The following CHD7 variants were observed in gnomAD, a reference collection of about 807,000 sequenced individuals.
CHD7 encodes the protein chromodomain helicase DNA binding protein 7.
Under a neutral mutation model 307.3 loss-of-function variants are expected in CHD7, and 24 were observed. The ratio of observed to expected loss-of-function variants is 0.08; its 90% confidence interval spans 0.06 to 0.11. The LOEUF (loss-of-function observed/expected upper bound fraction) is 0.11. Ranked by LOEUF, CHD7 falls within the 10% of genes least tolerant of loss-of-function variation. The pLI is 1.00. For missense variants in CHD7, 3,106 were observed against 3,727.1 expected, an observed-to-expected ratio of 0.83 and a Z score of 4.34; for synonymous variants, 1,363 against 1,349.9, an observed-to-expected ratio of 1.01 and a Z score of -0.21.
chr8:60,754,605 T>G (rs1384319360), intron 2 of CHD7, among the ~76,000 whole-genome samples: 1 of 152,218 alleles, frequency 6.6e-6, no homozygotes, highest in Non-Finnish European at 1.5e-5. Context: ...CAAAAATTCA[T>G]AATGTTTTGT....
intron 1 of CHD7, among the ~76,000 whole-genome samples, chr8:60,705,260 G>A (rs758412939): frequency 1.4e-4 from 22 of 152,288 alleles, no homozygotes; most frequent in East Asian, 1.2e-3. Flanking sequence ...GTGAACTTGC[G>A]CGTTTGGCTT....
chr8:60,706,578 C>T (rs866067295), intron 1 of CHD7, among the ~76,000 whole-genome samples: 20 of 152,162 alleles, frequency 1.3e-4, no homozygotes, highest in Middle Eastern at 6.8e-3. Context: ...TTATTGAATA[C>T]TCAGAAGTAG....
chr8:60,828,627 A>C (rs367816570), intron 13 of CHD7, 36 bp from the exon 14 acceptor site: 3 of 1,569,336 alleles, frequency 1.9e-6, no homozygotes, highest in Admixed American at 1.9e-5. Flanking sequence ...TGTTTTTGTT[A>C]CAATTTGGTT....
rs1320501538 is a variant in CHD7, at chr8:60,800,394, C to T, written c.2245C>T (p.Arg749Trp). The T allele has an allele frequency of 3.1e-6, 5 of 1,612,948 alleles. No homozygotes were observed. Among genetic ancestry groups the T allele is most frequent in the East Asian group, 4.5e-5 (2 of 44,836 alleles). Residue 749 changes from arginine to tryptophan, a missense_variant, in exon 5 of 38, where the codon CGG becomes TGG. By Grantham distance (101) the Arg-to-Trp change is moderately radical. Coordinates refer to ENST00000423902, the MANE Select transcript of CHD7 (RefSeq NM_017780.4). ...EDEDPGVQKR[R>W]SSRQVKRKRY... ...TCTTGGGTTTTTGTTTTAGAAGAGA[C>T]GGTCCAGCAGACAGGTGAAGAGAAA...
Position 60,848,403 on chromosome 8 carries a change from G to T in CHD7, c.5211-112G>T, listed in dbSNP as rs938195665. 3 of 690,790 alleles carry T rather than the reference G, an allele frequency of 4.3e-6. No homozygotes were observed. In the African/African-American group the frequency reaches 5.4e-5, roughly 12 times the overall value. 42.8% of individuals were successfully genotyped at this position (690,790 alleles called of 1,614,324 possible). A position where few individuals can be genotyped will look rare whatever the true frequency, so the allele number is the denominator to read the frequency against. ...ACGCTTCAAGCCTACCATACAGCAT[G>T]GCTAATCAGCCTTGGCAGGATGATG... On this transcript the variant is annotated intron_variant, in intron 23 of 37. Transcript: ENST00000423902.
chr8:60,805,642 T>C (rs1812502903), intron 6 of CHD7, among the ~76,000 whole-genome samples: 1 of 152,172 alleles, frequency 6.6e-6, no homozygotes, highest in Non-Finnish European at 1.5e-5. Flanking sequence ...AAAAGTGTCT[T>C]TACTGTTCAA....
intron 1 of CHD7, among the ~76,000 whole-genome samples, chr8:60,712,003 A>G (rs192405725): frequency 2.0e-5 from 3 of 152,354 alleles, no homozygotes; most frequent in Admixed American, 6.5e-5. Context: ...AAGTTGGTGC[A>G]CCACATTTGA....
chr8:60,768,829 A>G, intron 2 of CHD7, among the ~76,000 whole-genome samples: 1 of 61,152 alleles, frequency 1.6e-5, no homozygotes, highest in Non-Finnish European at 3.5e-5. Flanking sequence ...ACGTTAAGCT[A>G]CCATGAAAAA....
At chr8:60,712,673 T>G (rs1411001584) in intron 1 of CHD7, among the ~76,000 whole-genome samples, 2 of 152,128 alleles carry the variant, frequency 1.3e-5, no homozygotes, top group Non-Finnish European at 2.9e-5. Context: ...TGCCAGCACT[T>G]TGGGAGGCTG....
At chr8:60,779,970 G>A (rs973308177) in intron 2 of CHD7, among the ~76,000 whole-genome samples, 4 of 152,182 alleles carry the variant, frequency 2.6e-5, no homozygotes, top group African/African-American at 9.7e-5. Context: ...ATAGTAGATC[G>A]TTTACATTAC....
chr8:60,737,372 T>C (rs1563555379), intron 1 of CHD7, among the ~76,000 whole-genome samples: 1 of 152,210 alleles, frequency 6.6e-6, no homozygotes, highest in Non-Finnish European at 1.5e-5. Flanking sequence ...TAAGCTGCTG[T>C]TTCATTCATT....
Position 60,852,590 on chromosome 8 carries a change from A to G in CHD7, c.5987A>G (p.Gln1996Arg). The G allele has an allele frequency of 6.2e-7, 1 of 1,613,994 alleles. No homozygotes were observed. The highest frequency in any genetic ancestry group is 8.5e-7 in the Non-Finnish European group (1 of 1,179,876). ...DPVKQQFDWNQFRAFARLDKK... is the reference protein window; with the variant it reads ...DPVKQQFDWNRFRAFARLDKK... ...GTGAAACAGCAATTTGACTGGAACC[A>G]ATTTAGAGCCTTTGCCAGGCTTGAC... is the stretch of plus-strand genomic sequence containing the variant. Residue 1996 changes from glutamine (Q) to arginine (R), a missense_variant, in exon 30 of 38, where the codon CAA becomes CGA. Gln to Arg is a conservative substitution (Grantham distance 43, BLOSUM62 1). This residue lies in a region of CHD7 where 1,030 missense variants were observed against 1,165.4 expected (regional missense o/e 0.88). Transcript: ENST00000423902.
At chr8:60,776,583 C>T (rs150134382) in intron 2 of CHD7, among the ~76,000 whole-genome samples, 57 of 152,314 alleles carry the variant, frequency 3.7e-4, no homozygotes, top group African/African-American at 1.3e-3. Context: ...AGGTGCTCTG[C>T]ACTCTTTCCC....
At chr8:60,732,018 C>A (rs1046272148) in intron 1 of CHD7, among the ~76,000 whole-genome samples, 1 of 152,264 alleles carries the variant, frequency 6.6e-6, no homozygotes, top group African/African-American at 2.4e-5. Context: ...ATAAGACTCC[C>A]TTCCTATCAC....
chr8:60,717,035 T>G (rs1293963571), intron 1 of CHD7, among the ~76,000 whole-genome samples: 2 of 11,652 alleles, frequency 1.7e-4, no homozygotes, highest in Admixed American at 1.3e-3. Context: ...CCTTAAGCCT[T>G]TTTTTTTTTT....
At chr8:60,683,047 A>G (rs16926379) in intron 1 of CHD7, among the ~76,000 whole-genome samples, 17,439 of 152,192 alleles carry the variant, frequency 0.11, 2,249 homozygotes, top group African/African-American at 0.32. Context: ...GACCCTTTCA[A>G]TTGTCTTGTT....
At chr8:60,848,034 A>G (rs1240304331) in intron 23 of CHD7, among the ~76,000 whole-genome samples, 2 of 152,212 alleles carry the variant, frequency 1.3e-5, no homozygotes, top group African/African-American at 4.8e-5. Context: ...GGTTTATTGT[A>G]AGGTAGTAAA....
At position 60,866,197 on chromosome 8, in the gene CHD7, TGC is replaced by T; in HGVS notation, c.*265_*266del. 3.1e-6 allele frequency: 1 copy of T among 322,424 alleles called. No homozygotes were observed. The highest frequency in any genetic ancestry group is 5.7e-6 in the Non-Finnish European group (1 of 176,028). 20.0% of individuals were successfully genotyped at this position (322,424 alleles called of 1,614,324 possible). A position where few individuals can be genotyped will look rare whatever the true frequency, so the allele number is the denominator to read the frequency against. On this transcript the variant is annotated 3_prime_UTR_variant, in exon 38 of 38. Coordinates refer to ENST00000423902, the MANE Select transcript of CHD7 (RefSeq NM_017780.4). Reference sequence around the variant, plus strand: ...TTTTAAGGAAACTTACATAATGCTCTGCTTTTTTTTTTTCTCTTGGTACCATT... The same window carrying T: ...TTTTAAGGAAACTTACATAATGCTCTTTTTTTTTTTTCTCTTGGTACCATT...
Position 60,852,569 on chromosome 8 carries a change from A to G in CHD7, c.5966A>G (p.Lys1989Arg), listed in dbSNP as rs1157811368. 1 of 1,613,984 alleles carries G rather than the reference A, an allele frequency of 6.2e-7. No homozygotes were observed. The highest frequency in any genetic ancestry group is 1.1e-5 in the South Asian group (1 of 91,076). ...TTTGGGGTTATTTTTGACCCTGTGA[A>G]ACAGCAATTTGACTGGAACCAATTT... ...STFGVIFDPV[K>R]QQFDWNQFRA... Residue 1989 changes from lysine (K) to arginine (R), a missense_variant, in exon 30 of 38, where the codon AAA (lysine) becomes AGA (arginine). Lys to Arg is a conservative substitution (Grantham distance 26). This residue lies in a region of CHD7 where 1,030 missense variants were observed against 1,165.4 expected (regional missense o/e 0.88). Transcript: ENST00000423902.
Sources: allele counts gnomAD v4.1 joint callset (sites outside exome capture counted in the v4.1 genomes callset), GRCh38; gene constraint gnomAD v4.1.1; regional missense constraint gnomAD v4.1.1; transcripts MANE v1.5; gene names NCBI Gene and HGNC (gene_info 2026-07-23, HGNC 2026-07-21).